CRPPA: variants seen among roughly 807,000 people sequenced by gnomAD.
CRPPA encodes the protein CDP-L-ribitol pyrophosphorylase A.
CRPPA carries 43 observed loss-of-function variants against 52.0 expected under a neutral mutation model. That is an observed-to-expected ratio of 0.83 (90% confidence interval 0.65 to 1.07). The LOEUF is 1.07. CRPPA is among the 50% of genes least tolerant of loss of function. The pLI, the probability that CRPPA is intolerant of heterozygous loss-of-function variation, is 0.00. For missense variants in CRPPA, 629 were observed against 551.7 expected (o/e 1.14, Z -1.40); for synonymous variants, 250 against 203.5 (o/e 1.23, Z -1.94).
At chr7:16,391,271 C>A (rs2128314882) in intron 2 of CRPPA, among the ~76,000 whole-genome samples, 1 of 152,214 alleles carries the variant, frequency 6.6e-6, no homozygotes, top group Middle Eastern at 3.4e-3. Flanking sequence ...TGAATGCTGT[C>A]CTTGATTTCT....
In CRPPA at chr7:16,421,090, C is replaced by G. The variant is rs2128321459; in HGVS notation, c.233G>C (p.Ser78Thr). ...CCTCTCCAGGGCCTGTAGGGTGTAG[C>G]TGATGAGCGGCCTCTCCAGGATGGG... Reference protein sequence around the residue: ...FCPILERPLISYTLQALERVC... With the variant: ...FCPILERPLITYTLQALERVC... Residue 78 changes from serine to threonine, a missense_variant, in exon 1 of 10, where the codon AGC (serine) becomes ACC (threonine). Transcript: ENST00000407010. The G allele has an allele frequency of 7.7e-7, 1 of 1,297,082 alleles. No homozygotes were observed. Among genetic ancestry groups the G allele is most frequent in the South Asian group, 2.6e-5 (1 of 38,216 alleles). 80.3% of individuals were successfully genotyped at this position (1,297,082 alleles called of 1,614,324 possible).
Position 16,308,247 on chromosome 7 carries a change from G to A in CRPPA, c.789+276C>T, listed in dbSNP as rs77362308. Among the ~76,000 whole-genome samples the A allele has an allele frequency of 7.1e-3, 1,086 of 152,224 alleles. 15 individuals carry two copies. The highest frequency in any genetic ancestry group is 0.025 in the African/African-American group (1,054 of 41,514). On this transcript the variant is annotated intron_variant, in intron 4 of 9. Transcript: ENST00000407010. ...GTCTCAGGTATTTCTTTATATTAGT[G>A]TGAGAACAGACTAATAAAGCTATCT...
chr7:16,418,468 T>G (rs1243013074), intron 1 of CRPPA, among the ~76,000 whole-genome samples: 1 of 152,174 alleles, frequency 6.6e-6, no homozygotes, highest in Non-Finnish European at 1.5e-5. Flanking sequence ...TGCCCAAGAT[T>G]AAGTAATTTA....
chr7:16,181,526 A>G (rs1781412157), intron 9 of CRPPA, among the ~76,000 whole-genome samples: 1 of 151,960 alleles, frequency 6.6e-6, no homozygotes, highest in South Asian at 2.1e-4. Context: ...AACAAAACAC[A>G]TATGTAGTAT....
At chr7:16,169,097 A>C (rs1781126025) in intron 9 of CRPPA, among the ~76,000 whole-genome samples, 1 of 152,206 alleles carries the variant, frequency 6.6e-6, no homozygotes, top group Non-Finnish European at 1.5e-5. Context: ...GGCAGAATTG[A>C]AACATCACAC....
At chr7:16,278,016 T>C (rs997129677) in intron 6 of CRPPA, 113 bp downstream of exon 6, 27 of 670,104 alleles carry the variant, frequency 4.0e-5, no homozygotes, top group Non-Finnish European at 6.8e-5. Flanking sequence ...GGCAAAATAA[T>C]AAGAACATTA....
At position 16,389,306 on chromosome 7, in the gene CRPPA, T is replaced by C. The variant is rs541649519; in HGVS notation, c.535-13065A>G. On this transcript the variant is annotated intron_variant, in intron 2 of 9. Transcript: ENST00000407010. ...AGACTGCACAAGAAAAGAAAGCCAATTAGGGATATTAGTTTGTAAACAATG... is the reference window on the plus strand; with the variant it reads ...AGACTGCACAAGAAAAGAAAGCCAACTAGGGATATTAGTTTGTAAACAATG... Among the ~76,000 whole-genome samples the C allele has an allele frequency of 1.5e-3, 230 of 152,220 alleles. 2 individuals are homozygous for C. Among genetic ancestry groups the C allele is most frequent in the African/African-American group, 5.4e-3 (224 of 41,530 alleles).
intron 4 of CRPPA, among the ~76,000 whole-genome samples, chr7:16,307,858 C>T: frequency 6.7e-6 from 1 of 149,178 alleles, no homozygotes; most frequent in East Asian, 2.0e-4. Context: ...CACCCAGGGC[C>T]TGAAAGGAAA....
intron 1 of CRPPA, among the ~76,000 whole-genome samples, chr7:16,408,504 G>A (rs1788007519): frequency 6.6e-6 from 1 of 152,198 alleles, no homozygotes; most frequent in Admixed American, 6.5e-5. Context: ...CAGGAGGTGG[G>A]CAGTATCCTA....
chr7:16,240,652 C>T (rs764319199), intron 8 of CRPPA, among the ~76,000 whole-genome samples: 1 of 151,660 alleles, frequency 6.6e-6, no homozygotes, highest in African/African-American at 2.4e-5. Context: ...GGACCTGAAA[C>T]AGATAATAAA....
intron 9 of CRPPA, among the ~76,000 whole-genome samples, chr7:16,205,873 T>C (rs1781962472): frequency 2.0e-5 from 3 of 151,764 alleles, no homozygotes; most frequent in South Asian, 2.1e-4. Flanking sequence ...AAGCCAGAAA[T>C]TTAATAAAGG....
At chr7:16,349,900 G>A (rs1583539634) in intron 3 of CRPPA, among the ~76,000 whole-genome samples, 1 of 151,976 alleles carries the variant, frequency 6.6e-6, no homozygotes, top group Non-Finnish European at 1.5e-5. Flanking sequence ...CCAGATCTAG[G>A]AAATCCAAGA....
intron 5 of CRPPA, among the ~76,000 whole-genome samples, chr7:16,297,488 A>C (rs1284664957): frequency 6.6e-6 from 1 of 152,196 alleles, no homozygotes; most frequent in Non-Finnish European, 1.5e-5. Context: ...GAAAAACTGC[A>C]GCTGCATCTG....
intron 9 of CRPPA, among the ~76,000 whole-genome samples, chr7:16,203,658 A>G (rs947014758): frequency 6.6e-6 from 1 of 152,124 alleles, no homozygotes; most frequent in South Asian, 2.1e-4. Context: ...CCCTTTTACC[A>G]TCTGGGTTTG....
chr7:16,096,071 T>A (rs1781929820), intron 9 of CRPPA, among the ~76,000 whole-genome samples: 1 of 152,150 alleles, frequency 6.6e-6, no homozygotes, highest in Admixed American at 6.6e-5. Flanking sequence ...AGCCTGGGTA[T>A]AAGGCAAAAC....
At chr7:16,319,286 G>A (rs1785207646) in intron 3 of CRPPA, among the ~76,000 whole-genome samples, 1 of 152,092 alleles carries the variant, frequency 6.6e-6, no homozygotes, top group South Asian at 2.1e-4. Flanking sequence ...ACAAGGTATT[G>A]CACCAATTTT....
Position 16,219,723 on chromosome 7 carries a change from C to G in CRPPA, c.1120-3526G>C, listed in dbSNP as rs200385762. 7.5e-3 allele frequency among the ~76,000 whole-genome samples: 888 copies of G among 118,100 alleles called. 12 individuals carry two copies. In the East Asian group the frequency reaches 0.077, roughly 10 times the overall value. 77.5% of individuals were successfully genotyped at this position (118,100 alleles called of 152,430 possible). ...ATGGATAAATTCCTCGACACATACA[C>G]TCTCCCAAGACTAAACCAGGAAGAA... On this transcript the variant is annotated intron_variant, in intron 8 of 9. Transcript: ENST00000407010.
intron 9 of CRPPA, among the ~76,000 whole-genome samples, chr7:16,189,343 T>C (rs1781563638): frequency 1.3e-5 from 2 of 152,166 alleles, no homozygotes; most frequent in East Asian, 3.8e-4. Context: ...TAACCCAATC[T>C]CATTTGATAT....
chr7:16,161,412 G>A (rs187098994), intron 9 of CRPPA, among the ~76,000 whole-genome samples: 107 of 152,160 alleles, frequency 7.0e-4, no homozygotes, highest in East Asian at 3.7e-3. Context: ...GAATTTTGTC[G>A]AAGGCCTTTT....
Sources: allele counts gnomAD v4.1 joint callset (sites outside exome capture counted in the v4.1 genomes callset), GRCh38; gene constraint gnomAD v4.1.1; transcripts MANE v1.5; gene names NCBI Gene and HGNC (gene_info 2026-07-23, HGNC 2026-07-21).